Variants in RIMBP2 observed in about 807,000 individuals in gnomAD.
The protein encoded by RIMBP2 is RIMS binding protein 2, also known as RIMS-binding protein 2.
A neutral mutation model predicts 118.6 loss-of-function variants in RIMBP2; 48 were observed. The observed-to-expected ratio is 0.40, with a 90% CI of 0.32 to 0.51. The LOEUF is 0.51. RIMBP2 is among the 20% of genes least tolerant of loss of function. The pLI, the probability that RIMBP2 is intolerant of heterozygous loss-of-function variation, is 0.41. For synonymous variants in RIMBP2, 762 were observed against 742.9 expected, an observed-to-expected ratio of 1.03 and a Z score of -0.42; for missense variants, 1,551 against 1,768.3, an observed-to-expected ratio of 0.88 and a Z score of 2.20.
At chr12:130,619,233 C>T (rs748423194) in intron 2 of RIMBP2, among the ~76,000 whole-genome samples, 1 of 152,196 alleles carries the variant, frequency 6.6e-6, no homozygotes, top group Non-Finnish European at 1.5e-5. Context: ...AAGGTGAAAT[C>T]CCTTCCTCAA....
At chr12:130,462,735 C>G (rs1225821715) in intron 6 of RIMBP2, among the ~76,000 whole-genome samples, 1 of 152,196 alleles carries the variant, frequency 6.6e-6, no homozygotes, top group East Asian at 1.9e-4. Context: ...CGCAAGCACC[C>G]TCCTAGCAGG....
Position 130,434,602 on chromosome 12 carries a change from C to T in RIMBP2, c.2253+132G>A, listed in dbSNP as rs2077371764. Reference sequence around the variant, plus strand: ...AGAAACCTAGCACGACTTAGGACCCCAGCTGGGCGTCTCCATCTCTCTCAG... The same window carrying T: ...AGAAACCTAGCACGACTTAGGACCCTAGCTGGGCGTCTCCATCTCTCTCAG... On this transcript the variant is annotated intron_variant, in intron 14 of 22. Coordinates refer to ENST00000690449, the MANE Select transcript of RIMBP2 (RefSeq NM_001393629.1). This position sits in a 1 kb window ranked among gnomAD's most constrained non-coding sequence, Gnocchi z 5.7. 3 of 934,894 alleles carry T rather than the reference C, an allele frequency of 3.2e-6. No individual in the cohort carries two copies. The highest frequency in any genetic ancestry group is 4.7e-6 in the Non-Finnish European group (3 of 636,318). 57.9% of individuals were successfully genotyped at this position (934,894 alleles called of 1,614,324 possible). A position where few individuals can be genotyped will look rare whatever the true frequency, so the allele number is the denominator to read the frequency against.
chr12:130,493,316 C>T (rs928653811), intron 4 of RIMBP2, among the ~76,000 whole-genome samples: 4 of 151,668 alleles, frequency 2.6e-5, no homozygotes, highest in Non-Finnish European at 5.9e-5. Flanking sequence ...TCTTTTTGTT[C>T]GTTTTGTTTT....
intron 4 of RIMBP2, among the ~76,000 whole-genome samples, chr12:130,482,308 G>C (rs2082082651): frequency 4.6e-5 from 7 of 152,200 alleles, no homozygotes; most frequent in Admixed American, 4.6e-4. Flanking sequence ...TCATCGGACT[G>C]GATTTATTGA....
chr12:130,529,135 TG>T (rs2053112050), intron 2 of RIMBP2, among the ~76,000 whole-genome samples: 1 of 152,194 alleles, frequency 6.6e-6, no homozygotes, highest in African/African-American at 2.4e-5. Flanking sequence ...AATGACGTGC[TG>T]ATTCACACCA....
chr12:130,454,576 G>A (rs1013527361), intron 7 of RIMBP2, among the ~76,000 whole-genome samples: 1 of 152,392 alleles, frequency 6.6e-6, no homozygotes, highest in East Asian at 1.9e-4. Flanking sequence ...GTGATTAAAT[G>A]AACTGGATTC....
chr12:130,433,035 G>A (rs2077249739), intron 14 of RIMBP2, among the ~76,000 whole-genome samples: 1 of 152,092 alleles, frequency 6.6e-6, no homozygotes, highest in African/African-American at 2.4e-5. Flanking sequence ...TTCCTACGCT[G>A]CAAGAAAACC....
At chr12:130,641,127 AC>A (rs1266745697) in intron 1 of RIMBP2, among the ~76,000 whole-genome samples, 1 of 152,030 alleles carries the variant, frequency 6.6e-6, no homozygotes, top group Non-Finnish European at 1.5e-5. Flanking sequence ...ACAGTGCTCT[AC>A]TCGCAGCCAC....
intron 2 of RIMBP2, among the ~76,000 whole-genome samples, chr12:130,575,891 T>A (rs2058050858): frequency 6.6e-6 from 1 of 152,208 alleles, no homozygotes; most frequent in Non-Finnish European, 1.5e-5. Flanking sequence ...ATGGGCAAAC[T>A]GCACAGCAAA....
At chr12:130,594,879 A>G (rs2059463935) in intron 2 of RIMBP2, among the ~76,000 whole-genome samples, 1 of 152,222 alleles carries the variant, frequency 6.6e-6, no homozygotes, top group South Asian at 2.1e-4. Context: ...TGGGATGAGA[A>G]TGTCCTGAGC....
intron 3 of RIMBP2, among the ~76,000 whole-genome samples, chr12:130,508,295 T>C (rs560751939): frequency 2.6e-5 from 4 of 151,818 alleles, no homozygotes; most frequent in African/African-American, 9.7e-5. Context: ...AGATCTTGCC[T>C]CTCCCTGCTT....
intron 2 of RIMBP2, among the ~76,000 whole-genome samples, chr12:130,540,321 G>C (rs910015515): frequency 1.3e-5 from 2 of 152,220 alleles, no homozygotes; most frequent in African/African-American, 4.8e-5. Flanking sequence ...GGCTGAGACA[G>C]ACAAAGGCAG....
chr12:130,624,432 C>T (rs1294128646), intron 2 of RIMBP2, among the ~76,000 whole-genome samples: 1 of 152,180 alleles, frequency 6.6e-6, no homozygotes, highest in Non-Finnish European at 1.5e-5. Context: ...TCCACATCCA[C>T]TTTTGTCTAT....
At position 130,420,092 on chromosome 12, in the gene RIMBP2, G is replaced by GA. The variant is rs1327911899; in HGVS notation, c.3238+2360dup. On this transcript the variant is annotated intron_variant, in intron 17 of 22. Coordinates refer to ENST00000690449, the MANE Select transcript of RIMBP2 (RefSeq NM_001393629.1). The surrounding 1 kb of genome is among the most constrained non-coding windows in gnomAD (Gnocchi z 4.3). ...ATATTGTTTTCTAGTATTTTCACAA[G>GA]AAAAATAGAAGTAAATGACAACTAG... Among the ~76,000 whole-genome samples, 1 of 152,260 alleles carries GA rather than the reference G, an allele frequency of 6.6e-6. No homozygotes were observed. The highest frequency in any genetic ancestry group is 1.9e-4 in the East Asian group (1 of 5,180).
intron 14 of RIMBP2, 116 bp from the exon 15 acceptor site, chr12:130,428,453 T>A: frequency 9.5e-7 from 1 of 1,055,550 alleles, no homozygotes; most frequent in Non-Finnish European, 1.4e-6. Context: ...CTCACAGGCC[T>A]AGAGACGGGC....
chr12:130,437,294 G>A lies in RIMBP2; in HGVS notation c.1657-3C>T, dbSNP rs2077598415. 2.5e-6 allele frequency: 4 copies of A among 1,572,462 alleles called. No homozygotes were observed. The highest frequency in any genetic ancestry group is 1.7e-6 in the Non-Finnish European group (2 of 1,166,978). On this transcript the variant is annotated splice_region_variant and splice_polypyrimidine_tract_variant and intron_variant, in intron 12 of 22. Transcript: ENST00000690449. ...GTGGGGAAGATGACTTCAGCCACCT[G>A]TGGACAAGCAGAGCTGGCTCGCGGG...
rs949920519 is a variant in RIMBP2 at position 130,623,099 on chromosome 12, T to A, written c.-217+5223A>T. On this transcript the variant is annotated intron_variant, in intron 2 of 22. Coordinates refer to ENST00000690449, the MANE Select transcript of RIMBP2 (RefSeq NM_001393629.1). The surrounding 1 kb of genome is among the most constrained non-coding windows in gnomAD (Gnocchi z 4.1). ...CAGGTTGCTGGGCTACTTACACAAA[T>A]ACATATAAAACGAAGGTCAACTGAA... Among the ~76,000 whole-genome samples, 1 of 152,162 alleles carries A rather than the reference T, an allele frequency of 6.6e-6. No individual in the cohort carries two copies. The highest frequency in any genetic ancestry group is 1.5e-5 in the Non-Finnish European group (1 of 68,038).
At chr12:130,521,558 C>T (rs2052122206) in intron 2 of RIMBP2, among the ~76,000 whole-genome samples, 2 of 152,238 alleles carry the variant, frequency 1.3e-5, no homozygotes, top group Non-Finnish European at 2.9e-5. Flanking sequence ...ATGTAACTGA[C>T]ACACTTGCTG....
chr12:130,479,061 C>T, intron 4 of RIMBP2, 45 bp from the exon 5 acceptor site: 6 of 1,522,808 alleles, frequency 3.9e-6, no homozygotes, highest in Non-Finnish European at 5.4e-6. Flanking sequence ...CAGCCTGTGC[C>T]CATGGGCGTG....
Sources: allele counts gnomAD v4.1 joint callset (sites outside exome capture counted in the v4.1 genomes callset), GRCh38; gene constraint gnomAD v4.1.1; non-coding constraint Gnocchi (gnomAD v3.1); transcripts MANE v1.5; gene names NCBI Gene and HGNC (gene_info 2026-07-23, HGNC 2026-07-21).